Variants in IFIT2 observed in about 807,000 individuals in gnomAD.
The protein encoded by IFIT2 is interferon induced protein with tetratricopeptide repeats 2.
IFIT2 carries 3 observed loss-of-function variants against 2.5 expected under a neutral mutation model. The observed-to-expected ratio is 1.21, with a 90% CI of 0.55 to 3.14. IFIT2 has a LOEUF of 3.14. IFIT2 is among the 30% of genes most tolerant of loss of function. The pLI is 0.03. For missense variants in IFIT2, 493 were observed against 558.9 expected, an observed-to-expected ratio of 0.88 and a Z score of 1.19; for synonymous variants, 212 against 200.7, an observed-to-expected ratio of 1.06 and a Z score of -0.48.
At position 89,308,022 on chromosome 10, in the gene IFIT2, A is replaced by AC. The variant is rs1843493766; in HGVS notation, c.*648dup. The AC allele has an allele frequency of 6.6e-6, 1 of 152,544 alleles. No homozygotes were observed. Among genetic ancestry groups the AC allele is most frequent in the Non-Finnish European group, 1.5e-5 (1 of 68,302 alleles). 9.4% of individuals were successfully genotyped at this position (152,544 alleles called of 1,614,324 possible). A position where few individuals can be genotyped will look rare whatever the true frequency, so the allele number is the denominator to read the frequency against. ...ACAGGAAGATACATAGCTAGAAGCG[A>AC]CGGGTACAAAAAGCAATGTGTACAA... is the stretch of plus-strand genomic sequence containing the variant. On this transcript the variant is annotated 3_prime_UTR_variant, in exon 2 of 2. Transcript: ENST00000371826.
chr10:89,307,965 G>A lies in IFIT2; in HGVS notation c.*590G>A. On this transcript the variant is annotated 3_prime_UTR_variant, in exon 2 of 2. Coordinates refer to ENST00000371826, the MANE Select transcript of IFIT2 (RefSeq NM_001547.5). Reference sequence around the variant, plus strand: ...TGAATTCAAGTGCCTGATTAATTGAGGTGGCAACATAGTTTGAGACGAGGG... The same window carrying A: ...TGAATTCAAGTGCCTGATTAATTGAAGTGGCAACATAGTTTGAGACGAGGG... 6.5e-6 allele frequency: 1 copy of A among 152,960 alleles called. No homozygotes were observed. The highest frequency in any genetic ancestry group is 6.5e-5 in the Admixed American group (1 of 15,400). The allele number at this position is 152,960 out of a possible 1,614,324, so 9.5% of individuals were successfully genotyped here. A position where few individuals can be genotyped will look rare whatever the true frequency, so the allele number is the denominator to read the frequency against.
Position 89,306,224 on chromosome 10 carries a change from GA to G in IFIT2, c.271del (p.Ile91SerfsTer27), listed in dbSNP as rs756465693. On this transcript the variant is annotated frameshift_variant, in exon 2 of 2. Coordinates refer to ENST00000371826, the MANE Select transcript of IFIT2 (RefSeq NM_001547.5). LOFTEE classifies it low-confidence loss of function (END_TRUNC). ...CCAGCAAGAGCATGCTGACCAGGCA[GA>G]AATCAGAAGTCTGGTCACCTGGGGA... The part of the protein sequence containing the change: ...LIQQEHADQA[E>X]IRSLVTWGNY... 6.2e-7 allele frequency: 1 copy of G among 1,614,146 alleles called. No individual in the cohort carries two copies. Among genetic ancestry groups the G allele is most frequent in the Non-Finnish European group, 8.5e-7 (1 of 1,180,000 alleles).
chr10:89,306,320 C>A lies in IFIT2; in HGVS notation c.364C>A (p.His122Asn), dbSNP rs762973451. The A allele has an allele frequency of 6.2e-7, 1 of 1,614,130 alleles. No individual in the cohort carries two copies. The highest frequency in any genetic ancestry group is 8.5e-7 in the Non-Finnish European group (1 of 1,180,000). Residue 122 changes from histidine (H) to asparagine (N), a missense_variant, in exon 2 of 2, where the codon CAT becomes AAT. His to Asn is a moderately conservative substitution (Grantham distance 68, BLOSUM62 1). Transcript: ENST00000371826. ...DVQIYVDKVK[H>N]VCEKFSSPYR... ...TCAGATTTATGTAGACAAGGTGAAA[C>A]ATGTCTGTGAGAAGTTTTCCAGTCC...
At position 89,305,968 on chromosome 10, in the gene IFIT2, C is replaced by T; in HGVS notation, c.12C>T (p.Asn4=). The T allele has an allele frequency of 6.2e-7, 1 of 1,608,856 alleles. No individual in the cohort carries two copies. Among genetic ancestry groups the T allele is most frequent in the South Asian group, 1.1e-5 (1 of 90,792 alleles). ...TTTGTGTTTTTCCCTACAGTGAGAA[C>T]AATAAGAATTCCTTGGAGAGCAGCC... is the stretch of plus-strand genomic sequence containing the variant. The part of the protein sequence containing the change: MSE[N]NKNSLESSLR... Residue 4 remains asparagine (N), a synonymous_variant, in exon 2 of 2, where the codon AAC becomes AAT. Transcript: ENST00000371826.
intron 1 of IFIT2, among the ~76,000 whole-genome samples, chr10:89,303,241 G>A (rs2133518912): frequency 6.6e-6 from 1 of 152,270 alleles, no homozygotes; most frequent in East Asian, 1.9e-4. Context: ...AATTGAGCAT[G>A]CATAAAAATT....
chr10:89,307,339 C>G lies in IFIT2; in HGVS notation c.1383C>G (p.Ser461Arg), dbSNP rs373395952. The G allele has an allele frequency of 5.1e-5, 82 of 1,609,046 alleles. No homozygotes were observed. Among genetic ancestry groups the G allele is most frequent in the Non-Finnish European group, 6.9e-5 (81 of 1,176,244 alleles). The change falls in exon 2 of 2, where the codon AGC becomes AGG. Residue 461 changes from serine to arginine, a missense_variant. Ser to Arg is a moderately radical substitution (Grantham distance 110). Coordinates refer to ENST00000371826, the MANE Select transcript of IFIT2 (RefSeq NM_001547.5). ...CTGAGAGGGGTTTGGAGTCTGGAAG[C>G]CTCATCCCTTCAGCATCAAGCTGGA... ...EDSERGLESG[S>R]LIPSASSWNG...
chr10:89,305,697 T>A (rs1843473373), intron 1 of IFIT2, among the ~76,000 whole-genome samples: 1 of 151,844 alleles, frequency 6.6e-6, no homozygotes, highest in Non-Finnish European at 1.5e-5. Flanking sequence ...ACAAAAACTG[T>A]CTTATTCATG....
In IFIT2 at chr10:89,307,390, G is replaced by A. The variant is rs1843489442; in HGVS notation, c.*15G>A. 1.3e-6 allele frequency: 2 copies of A among 1,571,492 alleles called. No homozygotes were observed. Among genetic ancestry groups the A allele is most frequent in the East Asian group, 2.3e-5 (1 of 44,272 alleles). On this transcript the variant is annotated 3_prime_UTR_variant, in exon 2 of 2. Transcript: ENST00000371826. ...ATGGGGAATGAAGAATAGAGATGTG[G>A]TGCCCACTAGGCTACTGCTGAAAGG...
In IFIT2 at chr10:89,306,076, C is replaced by T. The variant is rs201448549; in HGVS notation, c.120C>T (p.Tyr40=). The T allele has an allele frequency of 4.7e-4, 763 of 1,614,120 alleles. 2 individuals carry two copies. Among genetic ancestry groups the T allele is most frequent in the Middle Eastern group, 2.1e-3 (13 of 6,062 alleles). The change falls in exon 2 of 2, where the codon TAC becomes TAT. Residue 40 remains tyrosine, a synonymous_variant. Coordinates refer to ENST00000371826, the MANE Select transcript of IFIT2 (RefSeq NM_001547.5). The stretch of plus-strand genomic sequence containing the variant: ...ATGATTTTGAAGACAAAGTATTTTA[C>T]CGGACTGAGTTTCAGAATCGTGAAT... The part of the protein sequence containing the change: ...SLDDFEDKVF[Y]RTEFQNREFK...
In IFIT2 at chr10:89,306,707, C is replaced by T. The variant is rs537050168; in HGVS notation, c.751C>T (p.Arg251Cys). ...AGCCCCAGGTGTAACAGATGTTCTTCGCAGTGCAGCCAAGTTTTATCGAAG... is the reference window on the plus strand; with the variant it reads ...AGCCCCAGGTGTAACAGATGTTCTTTGCAGTGCAGCCAAGTTTTATCGAAG... ...EKAPGVTDVL[R>C]SAAKFYRRKD... Residue 251 changes from arginine (R) to cysteine (C), a missense_variant, in exon 2 of 2, where the codon CGC (arginine) becomes TGC (cysteine). Transcript: ENST00000371826. 3.3e-5 allele frequency: 54 copies of T among 1,614,082 alleles called. No homozygotes were observed. In the East Asian group the frequency reaches 5.6e-4, roughly 17 times the overall value.
Position 89,302,075 on chromosome 10 carries a change from A to T in IFIT2, c.-49A>T. 1 of 1,612,928 alleles carries T rather than the reference A, an allele frequency of 6.2e-7. No homozygotes were observed. Among genetic ancestry groups the T allele is most frequent in the Non-Finnish European group, 8.5e-7 (1 of 1,178,938 alleles). ...GAAGAGGAAGATTTCTGAAGAGTGC[A>T]GCTGCCTGAACCGAGCCCTGCCGAA... On this transcript the variant is annotated 5_prime_UTR_variant, in exon 1 of 2. Transcript: ENST00000371826.
chr10:89,303,087 T>G (rs1160289975), intron 1 of IFIT2, among the ~76,000 whole-genome samples: 1 of 152,222 alleles, frequency 6.6e-6, no homozygotes, highest in East Asian at 1.9e-4. Flanking sequence ...AACCCTTTTC[T>G]TATTTCTTAG....
rs1234546717 is a variant in IFIT2 at position 89,307,143 on chromosome 10, T to C, written c.1187T>C (p.Ile396Thr). Residue 396 changes from isoleucine to threonine, a missense_variant, in exon 2 of 2, where the codon ATA (isoleucine) becomes ACA (threonine). Physicochemically the swap from Ile to Thr is moderately conservative, Grantham distance 89. Coordinates refer to ENST00000371826, the MANE Select transcript of IFIT2 (RefSeq NM_001547.5). ...GAAGACAAGGCCATCCACCACTTTA[T>C]AGAGGGTGTAAAAATAAACCAGAAA... is the stretch of plus-strand genomic sequence containing the variant. ...KCEDKAIHHF[I>T]EGVKINQKSR... 5 of 1,613,842 alleles carry C rather than the reference T, an allele frequency of 3.1e-6. No homozygotes were observed. The highest frequency in any genetic ancestry group is 1.3e-5 in the African/African-American group (1 of 74,868).
At position 89,306,192 on chromosome 10, in the gene IFIT2, A is replaced by T. The variant is rs17468739; in HGVS notation, c.236A>T (p.Glu79Val). The T allele has an allele frequency of 4.3e-6, 7 of 1,613,990 alleles. No homozygotes were observed. The highest frequency in any genetic ancestry group is 5.9e-6 in the Non-Finnish European group (7 of 1,180,002). ...CTGGAATGCTTACGTAAAGCTGAAG[A>T]GTTAATCCAGCAAGAGCATGCTGAC... Reference protein sequence around the residue: ...AALECLRKAEELIQQEHADQA... With the variant: ...AALECLRKAEVLIQQEHADQA... The change falls in exon 2 of 2, where the codon GAG (glutamate) becomes GTG (valine). Residue 79 changes from glutamate (E) to valine (V), a missense_variant. By Grantham distance (121) the Glu-to-Val change is moderately radical. Transcript: ENST00000371826.
chr10:89,305,223 A>G (rs1476540959), intron 1 of IFIT2, among the ~76,000 whole-genome samples: 2 of 152,166 alleles, frequency 1.3e-5, no homozygotes, highest in Non-Finnish European at 2.9e-5. Context: ...AAAATTAAGA[A>G]TGGTTGAAAA....
In IFIT2 at chr10:89,306,794, A is replaced by G. The variant is rs776936260; in HGVS notation, c.838A>G (p.Asn280Asp). Residue 280 changes from asparagine (N) to aspartate (D), a missense_variant, in exon 2 of 2, where the codon AAT (asparagine) becomes GAT (aspartate). Asn to Asp is a conservative substitution (Grantham distance 23, BLOSUM62 1). Transcript: ENST00000371826. ...LKKALEYIPN[N>D]AYLHCQIGCC... ...AAAGGCTTTAGAATACATACCAAACAATGCCTACCTGCATTGCCAAATTGG... is the reference window on the plus strand; with the variant it reads ...AAAGGCTTTAGAATACATACCAAACGATGCCTACCTGCATTGCCAAATTGG... The G allele has an allele frequency of 6.2e-5, 100 of 1,614,020 alleles. No homozygotes were observed. The highest frequency in any genetic ancestry group is 8.4e-5 in the Non-Finnish European group (99 of 1,179,968).
chr10:89,303,326 A>C (rs1843457903), intron 1 of IFIT2, among the ~76,000 whole-genome samples: 2 of 152,234 alleles, frequency 1.3e-5, no homozygotes, highest in East Asian at 1.9e-4. Flanking sequence ...TCTGGGTTAG[A>C]GTCTGAGGAT....
At position 89,307,363 on chromosome 10, in the gene IFIT2, G is replaced by A; in HGVS notation, c.1407G>A (p.Trp469Ter). The A allele has an allele frequency of 1.3e-6, 2 of 1,599,030 alleles. No homozygotes were observed. The highest frequency in any genetic ancestry group is 2.7e-5 in the African/African-American group (2 of 74,362). ...GCCTCATCCCTTCAGCATCAAGCTG[G>A]AATGGGGAATGAAGAATAGAGATGT... Reference protein sequence around the residue: ...SGSLIPSASSWNGE With the variant: ...SGSLIPSASS The change falls in exon 2 of 2, where the codon TGG (tryptophan) becomes TGA (stop). Residue 469 changes from tryptophan to a stop codon, truncating the protein, a stop_gained. Transcript: ENST00000371826. LOFTEE classifies it high-confidence loss of function.
rs535300863 is a variant in IFIT2 at position 89,308,416 on chromosome 10, G to A, written c.*1041G>A. ...AAGCAACAAAACGTGGGAACCTGGT[G>A]ACTAAGGGCCTGGTGCAAGGACTTG... On this transcript the variant is annotated 3_prime_UTR_variant, in exon 2 of 2. Coordinates refer to ENST00000371826, the MANE Select transcript of IFIT2 (RefSeq NM_001547.5). 1.3e-5 allele frequency: 2 copies of A among 152,212 alleles called. No homozygotes were observed. Among genetic ancestry groups the A allele is most frequent in the South Asian group, 4.1e-4 (2 of 4,822 alleles). 9.4% of individuals were successfully genotyped at this position (152,212 alleles called of 1,614,324 possible).
Sources: allele counts gnomAD v4.1 joint callset (sites outside exome capture counted in the v4.1 genomes callset), GRCh38; gene constraint gnomAD v4.1.1; transcripts MANE v1.5; gene names NCBI Gene and HGNC (gene_info 2026-07-23, HGNC 2026-07-21).